The following COG7 variants were observed in gnomAD, a reference collection of about 807,000 sequenced individuals.
The protein encoded by COG7 is conserved oligomeric Golgi complex subunit 7.
A neutral mutation model predicts 91.5 loss-of-function variants in COG7; 49 were observed. The observed-to-expected ratio is 0.54, with a 90% CI of 0.43 to 0.68. The LOEUF is 0.68. Among genes scored for constraint, COG7 ranks in the 30% least tolerant of loss-of-function variants. COG7 has a pLI of 0.00. For synonymous variants in COG7, 365 were observed against 388.7 expected, an observed-to-expected ratio of 0.94 and a Z score of 0.72; for missense variants, 895 against 961.3, an observed-to-expected ratio of 0.93 and a Z score of 0.91.
intron 6 of COG7, among the ~76,000 whole-genome samples, chr16:23,433,068 T>G (rs140517125): frequency 6.6e-6 from 1 of 152,328 alleles, no homozygotes; most frequent in Non-Finnish European, 1.5e-5. Context: ...GCTTATCTTT[T>G]AAACTTAAAC....
At chr16:23,401,341 C>T (rs1963373498) in intron 13 of COG7, among the ~76,000 whole-genome samples, 1 of 152,200 alleles carries the variant, frequency 6.6e-6, no homozygotes, top group African/African-American at 2.4e-5. Flanking sequence ...TCCCAAGGGG[C>T]CACGGTGCTG....
intron 9 of COG7, chr16:23,414,662 C>A (rs1963623822): frequency 6.6e-6 from 1 of 152,300 alleles, no homozygotes. Context: ...ATGCTTATTG[C>A]TGCTGCTAGA....
rs747039325 is a variant in COG7, at chr16:23,406,151, C to G, written c.1587G>C (p.Trp529Cys). Residue 529 changes from tryptophan to cysteine, a missense_variant, in exon 12 of 17, where the codon TGG (tryptophan) becomes TGC (cysteine). Transcript: ENST00000307149. Reference protein sequence around the residue: ...TDKKNSAKNPWQEYNYLQKDN... With the variant: ...TDKKNSAKNPCQEYNYLQKDN... ...CTTTCTGGAGGTAATTATATTCTTGCCATGGGTTCTTGGCAGAGTTCTTCT... is the reference window on the plus strand; with the variant it reads ...CTTTCTGGAGGTAATTATATTCTTGGCATGGGTTCTTGGCAGAGTTCTTCT... 1 of 1,614,098 alleles carries G rather than the reference C, an allele frequency of 6.2e-7. No individual in the cohort carries two copies. The highest frequency in any genetic ancestry group is 8.5e-7 in the Non-Finnish European group (1 of 1,179,992).
chr16:23,452,025 A>T (rs1964273566), intron 1 of COG7, among the ~76,000 whole-genome samples: 1 of 152,128 alleles, frequency 6.6e-6, no homozygotes, highest in Admixed American at 6.6e-5. Context: ...ATTTTCTTTG[A>T]CACTGGGCTC....
intron 5 of COG7, among the ~76,000 whole-genome samples, chr16:23,434,298 G>A (rs1388950516): frequency 6.6e-6 from 1 of 152,100 alleles, no homozygotes; most frequent in Non-Finnish European, 1.5e-5. Flanking sequence ...AAGAAAAAAA[G>A]AGAAATTCTT....
At chr16:23,452,208 C>G (rs1303720987) in intron 1 of COG7, among the ~76,000 whole-genome samples, 1 of 152,200 alleles carries the variant, frequency 6.6e-6, no homozygotes, top group African/African-American at 2.4e-5. Context: ...TCCCAGAGAT[C>G]TGCTATTGAA....
intron 7 of COG7, among the ~76,000 whole-genome samples, chr16:23,420,099 CT>C (rs199999484): frequency 0.011 from 1,640 of 152,256 alleles, 34 homozygotes; most frequent in African/African-American, 0.038. Flanking sequence ...GCACTCCAGC[CT>C]GGGTGACAGA....
intron 11 of COG7, among the ~76,000 whole-genome samples, chr16:23,407,208 T>C (rs184545015): frequency 3.9e-5 from 6 of 152,380 alleles, no homozygotes; most frequent in African/African-American, 1.2e-4. Flanking sequence ...CAGAAGCCAC[T>C]GCTGACATAA....
intron 1 of COG7, 196 bp downstream of exon 1, chr16:23,452,630 A>G: frequency 7.8e-7 from 1 of 1,281,746 alleles, no homozygotes; most frequent in Non-Finnish European, 1.0e-6. Flanking sequence ...ACCCAAAATT[A>G]GCAAGTGTTC....
intron 12 of COG7, 48 bp from the exon 13 acceptor site, chr16:23,403,882 C>T (rs1001447476): frequency 3.1e-6 from 5 of 1,612,220 alleles, no homozygotes; most frequent in Middle Eastern, 1.7e-4. Context: ...GAAACCCAAC[C>T]CAAGTATTAG....
At chr16:23,408,453 G>A (rs1319377092) in intron 11 of COG7, among the ~76,000 whole-genome samples, 7 of 143,182 alleles carry the variant, frequency 4.9e-5, no homozygotes, top group Admixed American at 7.0e-5. Context: ...GGCGAGTGGC[G>A]GGGGGAGGTG....
intron 13 of COG7, among the ~76,000 whole-genome samples, chr16:23,403,398 C>T (rs576569414): frequency 2.6e-5 from 4 of 152,310 alleles, no homozygotes; most frequent in South Asian, 4.1e-4. Context: ...GCCTAACCTA[C>T]GAAGCTGCAC....
chr16:23,410,781 C>T (rs1362015804), intron 10 of COG7, among the ~76,000 whole-genome samples: 1 of 152,192 alleles, frequency 6.6e-6, no homozygotes, highest in Non-Finnish European at 1.5e-5. Flanking sequence ...TCTTGGCTCA[C>T]TGCAACCTCT....
chr16:23,418,892 A>T, intron 7 of COG7, 65 bp from the exon 8 acceptor site: 1 of 1,488,874 alleles, frequency 6.7e-7, no homozygotes, highest in Non-Finnish European at 9.4e-7. Flanking sequence ...GTGGGAAAGC[A>T]ACAATCAAGA....
At chr16:23,434,550 C>T in intron 5 of COG7, 86 bp downstream of exon 5, 2 of 1,030,144 alleles carry the variant, frequency 1.9e-6, no homozygotes, top group East Asian at 2.4e-5. Flanking sequence ...ATGTTCTTAC[C>T]TTCTGAATTA....
rs1389625386 is a variant in COG7 at position 23,422,913 on chromosome 16, T to C, written c.1009+1836A>G. Among the ~76,000 whole-genome samples the C allele has an allele frequency of 2.0e-5, 3 of 150,554 alleles. No homozygotes were observed. In the East Asian group the frequency reaches 5.9e-4, roughly 30 times the overall value. ...CAAAAAAATTAGCCAGGTGTGGTAG[T>C]GTGTGCCTGTAATCCCAACTACTCA... On this transcript the variant is annotated intron_variant, in intron 7 of 16. Coordinates refer to ENST00000307149, the MANE Select transcript of COG7 (RefSeq NM_153603.4).
chr16:23,393,162 GTC>G, intron 15 of COG7, 69 bp downstream of exon 15: 1 of 1,070,162 alleles, frequency 9.3e-7, no homozygotes, highest in South Asian at 1.3e-5. Context: ...AGGATAAGGT[GTC>G]ATCTGGAGTT....
intron 8 of COG7, among the ~76,000 whole-genome samples, chr16:23,417,931 C>G (rs1182699762): frequency 6.6e-6 from 1 of 152,106 alleles, no homozygotes; most frequent in Non-Finnish European, 1.5e-5. Flanking sequence ...AAGATCAATT[C>G]TGAAATATCA....
At chr16:23,405,966 G>T in intron 12 of COG7, 110 bp downstream of exon 12, 2 of 945,490 alleles carry the variant, frequency 2.1e-6, no homozygotes, top group African/African-American at 1.6e-5. Flanking sequence ...AGCAGGGTAC[G>T]TCACAGCCCA....
Sources: allele counts gnomAD v4.1 joint callset (sites outside exome capture counted in the v4.1 genomes callset), GRCh38; gene constraint gnomAD v4.1.1; transcripts MANE v1.5; gene names NCBI Gene and HGNC (gene_info 2026-07-23, HGNC 2026-07-21).